Variants in NAALADL2 observed in about 807,000 individuals in gnomAD.
The protein encoded by NAALADL2 is N-acetylated alpha-linked acidic dipeptidase like 2.
Under a neutral mutation model 87.2 loss-of-function variants are expected in NAALADL2, and 76 were observed. That is an observed-to-expected ratio of 0.87 (90% CI 0.72 to 1.05). The LOEUF (loss-of-function observed/expected upper bound fraction) is 1.05. Ranked by LOEUF, NAALADL2 falls within the 50% of genes least tolerant of loss-of-function variation. The pLI is 0.00. For synonymous variants in NAALADL2, 354 were observed against 331.0 expected, an observed-to-expected ratio of 1.07 and a Z score of -0.75; for missense variants, 1,089 against 945.8, an observed-to-expected ratio of 1.15 and a Z score of -1.99.
chr3:174,457,818 C>CA lies in NAALADL2; in HGVS notation c.-184+16797dup, dbSNP rs111568981. On this transcript the variant is annotated intron_variant, in intron 1 of 3. Coordinates refer to the NAALADL2 transcript ENST00000434257. ...AGGGTGAGACTCCGTCTCAAAAAAACAAAAAAAAAAAGAGGTCATGTCTTT... is the reference window on the plus strand; with the variant it reads ...AGGGTGAGACTCCGTCTCAAAAAAACAAAAAAAAAAAAGAGGTCATGTCTTT... Among the ~76,000 whole-genome samples the CA allele has an allele frequency of 6.6e-3, 942 of 143,084 alleles. 6 individuals are homozygous for CA. The highest frequency in any genetic ancestry group is 0.031 in the South Asian group (139 of 4,520). The allele number at this position is 143,084 out of a possible 152,430, so 93.9% of individuals were successfully genotyped here.
At chr3:174,689,397 C>CTTTTT (rs58366472) in intron 2 of NAALADL2, among the ~76,000 whole-genome samples, 2,308 of 149,508 alleles carry the variant, frequency 0.015, 23 homozygotes, top group Middle Eastern at 0.021. Flanking sequence ...CCCGCTTCAC[C>CTTTTT]TTTTTTTTAC....
At chr3:174,620,434 TG>T (rs1720892133) in intron 2 of NAALADL2, among the ~76,000 whole-genome samples, 1 of 66,762 alleles carries the variant, frequency 1.5e-5, no homozygotes, top group Non-Finnish European at 5.1e-5. Context: ...GTGTGTTTTT[TG>T]TTTTGTTTTG....
At chr3:175,778,415 A>G (rs750827385) in intron 13 of NAALADL2, among the ~76,000 whole-genome samples, 14 of 152,208 alleles carry the variant, frequency 9.2e-5, no homozygotes, top group East Asian at 1.9e-4. Flanking sequence ...GCAGTGTCCT[A>G]TAGAAGTGGT....
chr3:174,942,274 T>A (rs1315682476), intron 1 of NAALADL2, among the ~76,000 whole-genome samples: 4 of 152,206 alleles, frequency 2.6e-5, no homozygotes, highest in African/African-American at 9.6e-5. Context: ...AAGATCTTAT[T>A]TTCCTTTTGC....
At chr3:174,730,592 T>C (rs766117965) in intron 2 of NAALADL2, among the ~76,000 whole-genome samples, 23 of 152,172 alleles carry the variant, frequency 1.5e-4, no homozygotes, top group Non-Finnish European at 2.2e-4. Flanking sequence ...TATTTTATTT[T>C]GTAGAAACAT....
chr3:174,633,437 T>C (rs1403836956), intron 2 of NAALADL2, among the ~76,000 whole-genome samples: 1 of 152,178 alleles, frequency 6.6e-6, no homozygotes, highest in African/African-American at 2.4e-5. Context: ...CTTTTATCCA[T>C]CTTGAATTTC....
intron 9 of NAALADL2, among the ~76,000 whole-genome samples, chr3:175,557,801 G>A (rs1266594971): frequency 1.3e-5 from 2 of 152,128 alleles, no homozygotes; most frequent in Non-Finnish European, 2.9e-5. Context: ...AAGGTGATAT[G>A]ATACCACATT....
chr3:174,615,027 A>G (rs1202388443), intron 2 of NAALADL2, among the ~76,000 whole-genome samples: 1 of 152,192 alleles, frequency 6.6e-6, no homozygotes, highest in Non-Finnish European at 1.5e-5. Flanking sequence ...GTAACAGTGC[A>G]TTTACCTCAC....
In NAALADL2 at chr3:175,807,927, T is replaced by C. The variant is rs976280824; in HGVS notation, c.*4724T>C. The C allele has an allele frequency of 1.3e-5, 2 of 151,960 alleles. No individual in the cohort carries two copies. Among genetic ancestry groups the C allele is most frequent in the African/African-American group, 4.8e-5 (2 of 41,424 alleles). The allele number at this position is 151,960 out of a possible 1,614,324, so 9.4% of individuals were successfully genotyped here. A position where few individuals can be genotyped will look rare whatever the true frequency, so the allele number is the denominator to read the frequency against. ...TTCACAACTTTTAGGTGACATGAAT[T>C]TGAAGCGTAGCAAAAGAAATGTATA... On this transcript the variant is annotated 3_prime_UTR_variant, in exon 14 of 14. Coordinates refer to ENST00000454872, the MANE Select transcript of NAALADL2 (RefSeq NM_207015.3).
rs924638428 is a variant in NAALADL2 at position 174,891,802 on chromosome 3, A to C, written c.43+32352A>C. On this transcript the variant is annotated intron_variant, in intron 1 of 13. Coordinates refer to ENST00000454872, the MANE Select transcript of NAALADL2 (RefSeq NM_207015.3). ...GCAGTGGACCGGGGAAATACATGAC[A>C]TACTGAGACACCAAGTATGGCAGCC... Among the ~76,000 whole-genome samples the C allele has an allele frequency of 3.8e-4, 58 of 152,260 alleles. 1 individual carries two copies. The highest frequency in any genetic ancestry group is 3.8e-3 in the Admixed American group (58 of 15,292).
At chr3:175,297,185 A>G (rs1383465770) in intron 4 of NAALADL2, among the ~76,000 whole-genome samples, 1 of 152,208 alleles carries the variant, frequency 6.6e-6, no homozygotes, top group East Asian at 1.9e-4. Context: ...AATATTTACT[A>G]TCTGGCCCTT....
At chr3:175,412,891 T>TTTTTTA (rs776876343) in intron 5 of NAALADL2, among the ~76,000 whole-genome samples, 1 of 123,012 alleles carries the variant, frequency 8.1e-6, no homozygotes. Context: ...ATTTAATTTA[T>TTTTTTA]TTATTATTAT....
intron 2 of NAALADL2, among the ~76,000 whole-genome samples, chr3:175,227,752 C>T (rs1581014267): frequency 6.6e-6 from 1 of 151,884 alleles, no homozygotes; most frequent in East Asian, 1.9e-4. Context: ...TTGACTAAAC[C>T]ATTTGTAGCT....
intron 5 of NAALADL2, among the ~76,000 whole-genome samples, chr3:175,372,597 C>T (rs1766647826): frequency 6.6e-6 from 1 of 152,198 alleles, no homozygotes; most frequent in Non-Finnish European, 1.5e-5. Flanking sequence ...CTAAGGCTAA[C>T]TGATCTTTTA....
At chr3:174,725,382 C>T (rs1732084529) in intron 2 of NAALADL2, among the ~76,000 whole-genome samples, 1 of 152,014 alleles carries the variant, frequency 6.6e-6, no homozygotes, top group Non-Finnish European at 1.5e-5. Context: ...TTTTATTTAC[C>T]TAGTACTGCT....
intron 2 of NAALADL2, among the ~76,000 whole-genome samples, chr3:175,204,730 T>C (rs1444696999): frequency 1.3e-5 from 2 of 152,080 alleles, no homozygotes; most frequent in Non-Finnish European, 2.9e-5. Flanking sequence ...AGAACTGATA[T>C]AAGAATTCAG....
intron 2 of NAALADL2, among the ~76,000 whole-genome samples, chr3:175,112,235 T>C (rs1199404335): frequency 6.6e-6 from 1 of 151,408 alleles, no homozygotes; most frequent in African/African-American, 2.4e-5. Flanking sequence ...TGTCTCTTCT[T>C]GGTGTCTCCC....
At chr3:174,787,580 T>TATATATATATATATATAC (rs1553855333) in intron 3 of NAALADL2, among the ~76,000 whole-genome samples, 16 of 40,166 alleles carry the variant, frequency 4.0e-4, no homozygotes, top group African/African-American at 1.1e-3. Context: ...TATCATCATA[T>TATATATATATATATATAC]ATATATATAT....
intron 2 of NAALADL2, among the ~76,000 whole-genome samples, chr3:174,567,174 T>G (rs1714386790): frequency 1.3e-5 from 2 of 151,806 alleles, no homozygotes; most frequent in African/African-American, 4.8e-5. Flanking sequence ...ATATTCTGGT[T>G]GGACATGAGT....
Sources: gnomAD v4.1 joint callset for allele counts (sites outside exome capture counted in the v4.1 genomes callset) on GRCh38, gnomAD v4.1.1 for gene constraint, MANE v1.5 for transcripts, NCBI Gene and HGNC (gene_info 2026-07-23, HGNC 2026-07-21) for gene names.